NIPA2: variants seen among roughly 807,000 people sequenced by gnomAD.
NIPA2 encodes the protein magnesium transporter NIPA2.
In NIPA2, 11 loss-of-function variants were observed where a neutral mutation model predicts 29.7. That is an observed-to-expected ratio of 0.37 (90% CI 0.23 to 0.61). NIPA2 has a LOEUF of 0.61. Ranked by LOEUF, NIPA2 falls within the 20% of genes least tolerant of loss-of-function variation. NIPA2 has a pLI of 0.66. For missense variants in NIPA2, 426 were observed against 437.9 expected, an observed-to-expected ratio of 0.97 and a Z score of 0.24; for synonymous variants, 183 against 161.9, an observed-to-expected ratio of 1.13 and a Z score of -0.99.
Position 22,853,459 on chromosome 15 carries a change from C to T in NIPA2, c.196+191C>T, listed in dbSNP as rs12899692. Among the ~76,000 whole-genome samples the T allele has an allele frequency of 0.14, 20,462 of 150,960 alleles. 1,672 individuals carry two copies. The highest frequency in any genetic ancestry group is 0.26 in the Admixed American group (3,907 of 15,120). ...CGTGATCTTGGCTCAGTGCAACCTC[C>T]ACCTCCTGGATTCAAGCGATTCTCC... is the stretch of plus-strand genomic sequence containing the variant. On this transcript the variant is annotated intron_variant, in intron 5 of 7. Coordinates refer to ENST00000337451, the MANE Select transcript of NIPA2 (RefSeq NM_030922.7).
chr15:22,844,389 T>C (rs940377067), intron 2 of NIPA2, among the ~76,000 whole-genome samples: 2 of 151,794 alleles, frequency 1.3e-5, no homozygotes, highest in African/African-American at 4.8e-5. Flanking sequence ...TGAAACCCCG[T>C]CTCTACTACA....
At chr15:22,849,268 G>A (rs2057530859) in intron 3 of NIPA2, among the ~76,000 whole-genome samples, 1 of 148,562 alleles carries the variant, frequency 6.7e-6, no homozygotes, top group Non-Finnish European at 1.5e-5. Context: ...TAATACCTTA[G>A]ATTGTTCAGC....
At position 22,857,660 on chromosome 15, in the gene NIPA2, A is replaced by G. The variant is rs185772551; in HGVS notation, c.197-880A>G. Among the ~76,000 whole-genome samples, 257 of 151,644 alleles carry G rather than the reference A, an allele frequency of 1.7e-3. 7 individuals carry two copies. In the South Asian group the frequency reaches 0.027, roughly 16 times the overall value. On this transcript the variant is annotated intron_variant, in intron 5 of 7. Coordinates refer to ENST00000337451, the MANE Select transcript of NIPA2 (RefSeq NM_030922.7). ...AAGACCAGCCTGGTCAACATGGTGA[A>G]ACCCCGTCTCTACTAAAAATATAAA...
intron 3 of NIPA2, among the ~76,000 whole-genome samples, chr15:22,847,703 C>A (rs146627511): frequency 1.3e-5 from 2 of 152,154 alleles, no homozygotes; most frequent in African/African-American, 4.8e-5. Flanking sequence ...ACCTCGTGAT[C>A]TGCCCACCTC....
intron 5 of NIPA2, among the ~76,000 whole-genome samples, chr15:22,857,980 TATG>T (rs1346106289): frequency 6.6e-6 from 1 of 152,198 alleles, no homozygotes; most frequent in African/African-American, 2.4e-5. Flanking sequence ...TAAAATGCCT[TATG>T]TCAGCATGAG....
At chr15:22,849,312 G>A (rs1179369907) in intron 3 of NIPA2, among the ~76,000 whole-genome samples, 1 of 151,998 alleles carries the variant, frequency 6.6e-6, no homozygotes, top group Non-Finnish European at 1.5e-5. Flanking sequence ...TGTTAATGTG[G>A]TGACTCATCC....
chr15:22,857,591 C>T (rs1323730733), intron 5 of NIPA2, among the ~76,000 whole-genome samples: 1 of 151,688 alleles, frequency 6.6e-6, no homozygotes, highest in Non-Finnish European at 1.5e-5. Flanking sequence ...AATCCCAGCA[C>T]TTTGGGAGGC....
At chr15:22,848,676 A>C (rs1438642214) in intron 3 of NIPA2, among the ~76,000 whole-genome samples, 1 of 144,408 alleles carries the variant, frequency 6.9e-6, no homozygotes, top group Admixed American at 6.7e-5. Flanking sequence ...AAATACAAAA[A>C]CTAGCTGGGC....
chr15:22,851,604 T>G, intron 3 of NIPA2, 35 bp from the exon 4 acceptor site: 1 of 692,724 alleles, frequency 1.4e-6, no homozygotes, highest in African/African-American at 1.8e-5. Context: ...TCATGAGCAT[T>G]CTGTGAAAAC....
In NIPA2 at chr15:22,850,490, G is replaced by A. The variant is rs75252565; in HGVS notation, c.-93-1149G>A. ...CTTAATGGGCAAATCAAAAACATTG[G>A]ACTTTTTCATTTCTTGGGAGTAATA... is the stretch of plus-strand genomic sequence containing the variant. On this transcript the variant is annotated intron_variant, in intron 3 of 7. Coordinates refer to ENST00000337451, the MANE Select transcript of NIPA2 (RefSeq NM_030922.7). Among the ~76,000 whole-genome samples the A allele has an allele frequency of 3.5e-3, 527 of 152,204 alleles. 8 individuals carry two copies. In the East Asian group the frequency reaches 0.072, roughly 21 times the overall value.
At position 22,853,228 on chromosome 15, in the gene NIPA2, A is replaced by C. The variant is rs1322318805; in HGVS notation, c.156A>C (p.Ala52=). 1 of 1,610,872 alleles carries C rather than the reference A, an allele frequency of 6.2e-7. No homozygotes were observed. The highest frequency in any genetic ancestry group is 1.1e-5 in the South Asian group (1 of 90,966). ...GSMRAGQGGH[A]YLKEWLWWAG... is the part of the protein sequence containing the mutation. The stretch of plus-strand genomic sequence containing the variant: ...CATTCACAGGTCAAGGTGGCCATGC[A>C]TATCTTAAGGAATGGTTGTGGTGGG... Residue 52 remains alanine, a synonymous_variant, in exon 5 of 8, where the codon GCA becomes GCC. Coordinates refer to ENST00000337451, the MANE Select transcript of NIPA2 (RefSeq NM_030922.7).
chr15:22,840,949 T>G (rs765101152), intron 2 of NIPA2, among the ~76,000 whole-genome samples: 4 of 151,786 alleles, frequency 2.6e-5, no homozygotes, highest in Non-Finnish European at 5.9e-5. Context: ...TTAAACTGAT[T>G]TATTTGATTG....
intron 3 of NIPA2, among the ~76,000 whole-genome samples, chr15:22,846,909 TTTTG>T (rs944819512): frequency 4.0e-5 from 6 of 148,936 alleles, no homozygotes; most frequent in South Asian, 2.1e-4. Context: ...GTTGTTTTTT[TTTTG>T]TTTGTTTGAG....
rs1898268558 is a variant in NIPA2 at position 22,845,211 on chromosome 15, A to AT, written c.-149dup. The AT allele has an allele frequency of 6.6e-6, 1 of 152,172 alleles. No homozygotes were observed. Among genetic ancestry groups the AT allele is most frequent in the African/African-American group, 2.4e-5 (1 of 41,426 alleles). 9.4% of individuals were successfully genotyped at this position (152,172 alleles called of 1,614,324 possible). ...GAGCAGAGTGGGACCAGGTCTGAGA[A>AT]TAGTGAAGCAACTCATTCCTTTCAG... On this transcript the variant is annotated 5_prime_UTR_variant, in exon 3 of 8. Coordinates refer to ENST00000337451, the MANE Select transcript of NIPA2 (RefSeq NM_030922.7).
Position 22,866,878 on chromosome 15 carries a change from T to G in NIPA2, c.*31T>G. 1 of 1,528,700 alleles carries G rather than the reference T, an allele frequency of 6.5e-7. No individual in the cohort carries two copies. Among genetic ancestry groups the G allele is most frequent in the Non-Finnish European group, 8.8e-7 (1 of 1,136,668 alleles). The allele number at this position is 1,528,700 out of a possible 1,614,324, so 94.7% of individuals were successfully genotyped here. ...GTGTAATTAAAGGTTAATCTGTGAT[T>G]GTTATGAAGTGAATTTGAATATCAT... is the stretch of plus-strand genomic sequence containing the variant. On this transcript the variant is annotated 3_prime_UTR_variant, in exon 8 of 8. Transcript: ENST00000337451.
chr15:22,851,682 C>G lies in NIPA2; in HGVS notation c.-50C>G. The G allele has an allele frequency of 6.5e-7, 1 of 1,534,694 alleles. No homozygotes were observed. Among genetic ancestry groups the G allele is most frequent in the Non-Finnish European group, 8.8e-7 (1 of 1,135,172 alleles). ...TCTGCCTCTAGTACCAGCGGTTTCT[C>G]TGTTCTGTGATCAATGTGATTCACA... On this transcript the variant is annotated 5_prime_UTR_variant, in exon 4 of 8. Transcript: ENST00000337451.
chr15:22,844,478 C>T (rs1898040922), intron 2 of NIPA2, among the ~76,000 whole-genome samples: 1 of 151,938 alleles, frequency 6.6e-6, no homozygotes, highest in African/African-American at 2.4e-5. Context: ...TGCTTGAACC[C>T]GGGAGACGGA....
In NIPA2 at chr15:22,860,687, T is replaced by A; in HGVS notation, c.346T>A (p.Cys116Ser). 6.3e-7 allele frequency: 1 copy of A among 1,599,942 alleles called. No individual in the cohort carries two copies. The highest frequency in any genetic ancestry group is 8.5e-7 in the Non-Finnish European group (1 of 1,174,312). ...ACTTAATCTTCATGGGAAAATTGGGTGTTTGCTAAGTATTCTAGGATCTAC... is the reference window on the plus strand; with the variant it reads ...ACTTAATCTTCATGGGAAAATTGGGAGTTTGCTAAGTATTCTAGGATCTAC... ...ERLNLHGKIG[C>S]LLSILGSTVM... The change falls in exon 7 of 8, where the codon TGT becomes AGT. Residue 116 changes from cysteine to serine, a missense_variant. Cys to Ser is a moderately radical substitution (Grantham distance 112). This residue lies in a region of NIPA2 where 357 missense variants were observed against 339.8 expected (regional missense o/e 1.05). Coordinates refer to ENST00000337451, the MANE Select transcript of NIPA2 (RefSeq NM_030922.7).
intron 3 of NIPA2, among the ~76,000 whole-genome samples, chr15:22,850,031 T>C (rs187645436): frequency 1.3e-5 from 2 of 152,210 alleles, no homozygotes; most frequent in Admixed American, 6.5e-5. Flanking sequence ...AGTAATACAA[T>C]GAGTCCCTGT....
Sources: gnomAD v4.1 joint callset for allele counts (sites outside exome capture counted in the v4.1 genomes callset) on GRCh38, gnomAD v4.1.1 for gene constraint, gnomAD v4.1.1 regional missense constraint, MANE v1.5 for transcripts, NCBI Gene and HGNC (gene_info 2026-07-23, HGNC 2026-07-21) for gene names.